The following RP1 variants were observed in gnomAD, a reference collection of about 807,000 sequenced individuals.
RP1 encodes oxygen-regulated protein 1.
A neutral mutation model predicts 14.8 loss-of-function variants in RP1; 16 were observed. The observed-to-expected ratio is 1.08, with a 90% CI of 0.73 to 1.65. The LOEUF (loss-of-function observed/expected upper bound fraction) is 1.65. Ranked by LOEUF, RP1 falls within the 40% of genes most tolerant of loss-of-function variation. RP1 has a pLI of 0.00. For synonymous variants in RP1, 876 were observed against 883.6 expected, an observed-to-expected ratio of 0.99 and a Z score of 0.15; for missense variants, 2,631 against 2,535.0, an observed-to-expected ratio of 1.04 and a Z score of -0.81.
intron 16 of RP1, chr8:54,720,345 T>C: frequency 6.6e-7 from 1 of 1,505,736 alleles, no homozygotes; most frequent in South Asian, 1.2e-5. Flanking sequence ...TTGGTTTGCT[T>C]TATGATGGTT....
rs1805897742 is a variant in RP1, at chr8:54,622,126, C to A, written c.625C>A (p.Leu209Ile). The change falls in exon 3 of 4, where the codon CTC becomes ATC. Residue 209 changes from leucine (L) to isoleucine (I), a missense_variant. By Grantham distance (5) the Leu-to-Ile change is conservative (BLOSUM62 2). Transcript: ENST00000220676. ...CTCTGGTCTCTTTTAGGTTCCCAGC[C>A]TCCAGGCAGTGATCCTGAGCTCTGG... Reference protein sequence around the residue: ...YATDGRRVPSLQAVILSSGAV... With the variant: ...YATDGRRVPSIQAVILSSGAV... 6.2e-7 allele frequency: 1 copy of A among 1,614,052 alleles called. No homozygotes were observed. Among genetic ancestry groups the A allele is most frequent in the Non-Finnish European group, 8.5e-7 (1 of 1,180,032 alleles).
chr8:54,764,065 G>C (rs549856685), intron 22 of RP1, among the ~76,000 whole-genome samples: 3 of 152,126 alleles, frequency 2.0e-5, no homozygotes, highest in Non-Finnish European at 4.4e-5. Context: ...CCAGACTCAC[G>C]CCCTTTTCAC....
chr8:54,788,038 T>C (rs1238503270), intron 24 of RP1, among the ~76,000 whole-genome samples: 1 of 152,204 alleles, frequency 6.6e-6, no homozygotes, highest in Non-Finnish European at 1.5e-5. Flanking sequence ...ACTCTTATCA[T>C]TATGCTCTTT....
exon 23 of RP1, chr8:54,769,798 A>G: frequency 6.5e-7 from 1 of 1,531,958 alleles, no homozygotes; most frequent in Non-Finnish European, 8.7e-7. Flanking sequence ...TTTATCTTCA[A>G]GGTGAGGATT....
chr8:54,771,820 G>A (rs1404622346), downstream of RP1, among the ~76,000 whole-genome samples: 3 of 152,092 alleles, frequency 2.0e-5, no homozygotes, highest in African/African-American at 7.2e-5. Context: ...AACCTTGAAA[G>A]GTTAAGCAGT....
chr8:54,754,219 A>C (rs991977980), intron 19 of RP1, among the ~76,000 whole-genome samples: 3 of 152,018 alleles, frequency 2.0e-5, no homozygotes, highest in African/African-American at 7.2e-5. Context: ...GGGTTTATTT[A>C]GAGCCTACAG....
At chr8:54,845,317 T>G (rs747080270) in intron 25 of RP1, among the ~76,000 whole-genome samples, 3 of 152,202 alleles carry the variant, frequency 2.0e-5, no homozygotes, top group Non-Finnish European at 2.9e-5. Context: ...TCAGTGGTTC[T>G]CTGGCGACTA....
downstream of RP1, among the ~76,000 whole-genome samples, chr8:54,631,845 A>AT (rs36032942): frequency 0.25 from 36,309 of 145,998 alleles, 4,748 homozygotes; most frequent in East Asian, 0.43. Flanking sequence ...AAGGGATAAG[A>AT]TTTTTTTTTT....
rs186156568 is a variant in RP1, at chr8:54,580,634, T to C, written c.-13+21314T>C. 2.4e-3 allele frequency among the ~76,000 whole-genome samples: 362 copies of C among 149,058 alleles called. 1 individual carries two copies. Among genetic ancestry groups the C allele is most frequent in the African/African-American group, 8.2e-3 (330 of 40,280 alleles). ...TAGATATTTTATTTATTTATTTATT[T>C]TTGAGACGGAGTCTTGCTATGTCGC... On this transcript the variant is annotated intron_variant, in intron 1 of 22. Transcript: ENST00000636932.
rs1807831754 is a variant in RP1, at chr8:54,695,296, A to G, written c.1718-4171A>G. Among the ~76,000 whole-genome samples, 2 of 152,050 alleles carry G rather than the reference A, an allele frequency of 1.3e-5. 1 individual carries two copies. The highest frequency in any genetic ancestry group is 4.2e-4 in the South Asian group (2 of 4,816). On this transcript the variant is annotated intron_variant, in intron 12 of 22. Coordinates refer to the RP1 transcript ENST00000636932. ...CAGAAATAACTGATTTATTCAACAAATATTTATAAAATACTTAACTGTTGA... is the reference window on the plus strand; with the variant it reads ...CAGAAATAACTGATTTATTCAACAAGTATTTATAAAATACTTAACTGTTGA...
In RP1 at chr8:54,684,990, G is replaced by A. The variant is rs891011965; in HGVS notation, c.1717+5057G>A. The stretch of plus-strand genomic sequence containing the variant: ...ACAACACTTACTGCGGCTTGTTGTG[G>A]GAGGGCAGAGGTGGGAGAGCATTAG... On this transcript the variant is annotated intron_variant, in intron 12 of 22. Coordinates refer to the RP1 transcript ENST00000636932. Among the ~76,000 whole-genome samples the A allele has an allele frequency of 2.6e-5, 4 of 152,142 alleles. 1 individual carries two copies. The South Asian group carries it at 8.3e-4, about 32-fold the overall frequency.
intron 24 of RP1, among the ~76,000 whole-genome samples, chr8:54,823,549 T>C (rs1315237905): frequency 6.6e-6 from 1 of 152,096 alleles, no homozygotes; most frequent in Non-Finnish European, 1.5e-5. Flanking sequence ...TGGCTGGCCT[T>C]GAACTCCTGA....
intron 12 of RP1, among the ~76,000 whole-genome samples, chr8:54,697,280 C>T (rs890361657): frequency 8.5e-5 from 13 of 152,134 alleles, no homozygotes; most frequent in Admixed American, 2.6e-4. Flanking sequence ...CCTGGCCGGG[C>T]GTGATGGCTC....
In RP1 at chr8:54,627,261, A is replaced by T; in HGVS notation, c.3379A>T (p.Asn1127Tyr). 1.2e-6 allele frequency: 2 copies of T among 1,614,056 alleles called. No homozygotes were observed. Among genetic ancestry groups the T allele is most frequent in the Non-Finnish European group, 1.7e-6 (2 of 1,179,974 alleles). Residue 1127 changes from asparagine (N) to tyrosine (Y), a missense_variant, in exon 4 of 4, where the codon AAT (asparagine) becomes TAT (tyrosine). Physicochemically the swap from Asn to Tyr is moderately radical, Grantham distance 143. Coordinates refer to ENST00000220676, the MANE Select transcript of RP1 (RefSeq NM_006269.2). ...TTCTGCAATATGTAATTCATCCACT[A>T]ATCTCCTTCTAGCTTGGCTCTTGGT... The part of the protein sequence containing the change: ...FHSAICNSST[N>Y]LLLAWLLVLN...
At chr8:54,731,753 C>T (rs971084492) in intron 17 of RP1, among the ~76,000 whole-genome samples, 2 of 152,120 alleles carry the variant, frequency 1.3e-5, no homozygotes, top group African/African-American at 2.4e-5. Flanking sequence ...AACACATACA[C>T]ACATAGATTT....
At chr8:54,758,515 C>T (rs1210529453) in intron 21 of RP1, among the ~76,000 whole-genome samples, 3 of 151,938 alleles carry the variant, frequency 2.0e-5, no homozygotes, top group Non-Finnish European at 2.9e-5. Context: ...GAAAATTTGT[C>T]CCACATGTCT....
At chr8:54,588,394 G>T (rs28414504) in intron 1 of RP1, among the ~76,000 whole-genome samples, 2,383 of 152,270 alleles carry the variant, frequency 0.016, 69 homozygotes, top group African/African-American at 0.054. Context: ...TGGAGCTGAG[G>T]TTCAGAGAGG....
chr8:54,798,772 A>G (rs1000950824), intron 24 of RP1, among the ~76,000 whole-genome samples: 7 of 152,298 alleles, frequency 4.6e-5, no homozygotes, highest in South Asian at 2.1e-4. Flanking sequence ...TTAAGGAAGA[A>G]AAAGTAAATT....
At chr8:54,580,152 G>GT (rs1391727211) in intron 1 of RP1, among the ~76,000 whole-genome samples, 1 of 13,602 alleles carries the variant, frequency 7.4e-5, no homozygotes, top group African/African-American at 1.3e-4. Flanking sequence ...TCTGTAGAAT[G>GT]AAGTAACTGC....
Sources: allele counts gnomAD v4.1 joint callset (sites outside exome capture counted in the v4.1 genomes callset), GRCh38; gene constraint gnomAD v4.1.1; transcripts MANE v1.5; gene names NCBI Gene and HGNC (gene_info 2026-07-23, HGNC 2026-07-21).